Variants in FAM135B observed in about 807,000 individuals in gnomAD.
FAM135B encodes the protein protein FAM135B.
Under a neutral mutation model 127.7 loss-of-function variants are expected in FAM135B, and 43 were observed. The ratio of observed to expected loss-of-function variants is 0.34; its 90% CI spans 0.26 to 0.43. FAM135B has a LOEUF of 0.43. FAM135B is among the 20% of genes least tolerant of loss of function. The pLI is 1.00. For missense variants in FAM135B, 1,558 were observed against 1,725.6 expected (o/e 0.90, Z 1.72); for synonymous variants, 670 against 665.1 (o/e 1.01, Z -0.11).
intron 12 of FAM135B, among the ~76,000 whole-genome samples, chr8:138,156,140 A>T (rs910643628): frequency 6.6e-5 from 10 of 152,296 alleles, no homozygotes; most frequent in Non-Finnish European, 1.0e-4. Context: ...GGATTAAGAA[A>T]CTCACTCAAA....
chr8:138,371,574 C>T (rs16908980), intron 1 of FAM135B, among the ~76,000 whole-genome samples: 2,063 of 152,234 alleles, frequency 0.014, 39 homozygotes, highest in African/African-American at 0.047. Flanking sequence ...ACATCATGCT[C>T]AGGAAGAGGG....
At chr8:138,148,748 G>C in intron 13 of FAM135B, 62 bp from the exon 14 acceptor site, 1 of 1,340,018 alleles carries the variant, frequency 7.5e-7, no homozygotes. Context: ...CAGGAAATGA[G>C]CTGGGCTGGT....
intron 1 of FAM135B, among the ~76,000 whole-genome samples, chr8:138,444,757 CA>C (rs1398841333): frequency 6.6e-6 from 1 of 151,998 alleles, no homozygotes; most frequent in Non-Finnish European, 1.5e-5. Context: ...GAAGCAACAG[CA>C]AACACATTCA....
chr8:138,164,355 A>AG (rs1563715479), intron 12 of FAM135B, among the ~76,000 whole-genome samples: 1 of 152,196 alleles, frequency 6.6e-6, no homozygotes, highest in Non-Finnish European at 1.5e-5. Context: ...TTGTTCTTCC[A>AG]GGAAGATGAG....
chr8:138,495,474 C>A (rs1175072842), intron 1 of FAM135B, among the ~76,000 whole-genome samples: 1 of 152,122 alleles, frequency 6.6e-6, no homozygotes, highest in African/African-American at 2.4e-5. Context: ...GGTAACATAA[C>A]CACACCATAA....
chr8:138,428,418 C>T (rs1250155322), intron 1 of FAM135B, among the ~76,000 whole-genome samples: 1 of 152,040 alleles, frequency 6.6e-6, no homozygotes, highest in East Asian at 1.9e-4. Context: ...CTGCTTGCAA[C>T]ATAATTGTGA....
intron 3 of FAM135B, among the ~76,000 whole-genome samples, chr8:138,299,165 CAATTATATTAAAATATACCCAATTTT>C (rs1563871577): frequency 6.6e-6 from 1 of 151,478 alleles, no homozygotes; most frequent in Non-Finnish European, 1.5e-5. Flanking sequence ...CGCTTCCTAG[CAATTATATTAAAATATACCCAATTTT>C]AATTATATTA....
intron 1 of FAM135B, among the ~76,000 whole-genome samples, chr8:138,495,603 A>G (rs189008259): frequency 1.3e-5 from 2 of 152,316 alleles, no homozygotes; most frequent in Non-Finnish European, 2.9e-5. Flanking sequence ...GATATTATTC[A>G]GAGGCCTACT....
chr8:138,287,253 G>A (rs951222173), intron 3 of FAM135B, among the ~76,000 whole-genome samples: 5 of 152,046 alleles, frequency 3.3e-5, no homozygotes, highest in Non-Finnish European at 7.4e-5. Flanking sequence ...AGTTGTAGAT[G>A]GGAGATTCAT....
At chr8:138,294,824 A>G (rs1317514811) in intron 3 of FAM135B, among the ~76,000 whole-genome samples, 2 of 152,224 alleles carry the variant, frequency 1.3e-5, no homozygotes, top group Non-Finnish European at 1.5e-5. Context: ...CCTGAGTCAG[A>G]ATACCAGCTT....
intron 1 of FAM135B, among the ~76,000 whole-genome samples, chr8:138,368,746 T>C (rs1189566840): frequency 6.6e-6 from 1 of 151,852 alleles, no homozygotes; most frequent in Non-Finnish European, 1.5e-5. Context: ...ATGGAAAAGA[T>C]GGGAGGAAAA....
intron 9 of FAM135B, among the ~76,000 whole-genome samples, chr8:138,194,901 C>G (rs1204391654): frequency 3.3e-5 from 5 of 152,194 alleles, no homozygotes; most frequent in Non-Finnish European, 7.3e-5. Flanking sequence ...TGTCTGAGGC[C>G]ATCTGTGCAC....
intron 6 of FAM135B, among the ~76,000 whole-genome samples, chr8:138,245,785 T>C (rs1315456322): frequency 6.6e-6 from 1 of 152,144 alleles, no homozygotes; most frequent in African/African-American, 2.4e-5. Context: ...TTTGAAGGGC[T>C]CAGAGGAAGA....
intron 11 of FAM135B, among the ~76,000 whole-genome samples, chr8:138,172,073 T>C (rs1037469476): frequency 9.9e-5 from 15 of 152,172 alleles, no homozygotes; most frequent in African/African-American, 3.4e-4. Context: ...TAAAGAGGGA[T>C]AGGCTGAGAA....
In FAM135B at chr8:138,299,380, T is replaced by C. The variant is rs143286131; in HGVS notation, c.157+11461A>G. Among the ~76,000 whole-genome samples the C allele has an allele frequency of 4.6e-5, 7 of 152,290 alleles. No homozygotes were observed. In the East Asian group the frequency reaches 1.2e-3, roughly 25 times the overall value. On this transcript the variant is annotated intron_variant, in intron 3 of 19. Transcript: ENST00000395297. ...AAGAGAAAATTTCATGTTTTTATTA[T>C]GCAGATGAACTCCCCCCTCCAAACA...
At chr8:138,211,318 A>G (rs911779241) in intron 7 of FAM135B, among the ~76,000 whole-genome samples, 3 of 152,208 alleles carry the variant, frequency 2.0e-5, no homozygotes, top group African/African-American at 7.2e-5. Context: ...GATCAACTCT[A>G]TAGGGTTTGT....
At chr8:138,362,018 T>C (rs1830449634) in intron 2 of FAM135B, among the ~76,000 whole-genome samples, 2 of 152,146 alleles carry the variant, frequency 1.3e-5, no homozygotes, top group African/African-American at 4.8e-5. Flanking sequence ...GTACAGATAT[T>C]TATGGGGCAC....
At chr8:138,304,139 A>C (rs1563877077) in intron 3 of FAM135B, among the ~76,000 whole-genome samples, 1 of 151,866 alleles carries the variant, frequency 6.6e-6, no homozygotes, top group African/African-American at 2.4e-5. Context: ...GGTCCTGAGA[A>C]GGGCACTTCA....
chr8:138,483,603 T>C (rs2131684245), intron 1 of FAM135B, among the ~76,000 whole-genome samples: 1 of 152,256 alleles, frequency 6.6e-6, no homozygotes, highest in Middle Eastern at 3.4e-3. Context: ...GAGGCAATAA[T>C]ATCATATTGT....
Sources: gnomAD v4.1 joint callset for allele counts (sites outside exome capture counted in the v4.1 genomes callset) on GRCh38, gnomAD v4.1.1 for gene constraint, MANE v1.5 for transcripts, NCBI Gene and HGNC (gene_info 2026-07-23, HGNC 2026-07-21) for gene names.